Variants in FLYWCH1 observed in about 807,000 individuals in gnomAD.
The protein encoded by FLYWCH1 is FLYWCH-type zinc finger 1, also known as FLYWCH-type zinc finger-containing protein 1.
FLYWCH1 carries 75 observed loss-of-function variants against 66.4 expected under a neutral mutation model. The observed-to-expected ratio is 1.13, with a 90% CI of 0.94 to 1.37. FLYWCH1 has a LOEUF of 1.37. FLYWCH1 is among the 40% of genes most tolerant of loss of function. The pLI, the probability that FLYWCH1 is intolerant of heterozygous loss-of-function variation, is 0.00. For synonymous variants in FLYWCH1, 595 were observed against 429.9 expected (o/e 1.38, Z -4.75); for missense variants, 1,334 against 1,001.8 (o/e 1.33, Z -4.48).
intron 9 of FLYWCH1, among the ~76,000 whole-genome samples, chr16:2,945,590 C>G (rs192661132): frequency 1.4e-3 from 199 of 146,852 alleles, no homozygotes; most frequent in African/African-American, 4.9e-3. Context: ...TGGCAGTGCA[C>G]CGAGATCGTG....
intron 9 of FLYWCH1, among the ~76,000 whole-genome samples, chr16:2,945,360 C>T (rs1596404569): frequency 2.0e-5 from 3 of 151,840 alleles, no homozygotes; most frequent in African/African-American, 7.3e-5. Flanking sequence ...GTGGCGTGTG[C>T]CTGTAATCCC....
At chr16:2,940,302 C>T in intron 9 of FLYWCH1, 2 of 517,802 alleles carry the variant, frequency 3.9e-6, no homozygotes, top group East Asian at 3.3e-5. Flanking sequence ...CCCTGCTCCT[C>T]ACCATAGGGA....
At chr16:2,937,897 C>T (rs141295049) in intron 7 of FLYWCH1, among the ~76,000 whole-genome samples, 1 of 152,240 alleles carries the variant, frequency 6.6e-6, no homozygotes, top group African/African-American at 2.4e-5. Flanking sequence ...CTGGGGGATG[C>T]ACCTGCAAGC....
At position 2,941,494 on chromosome 16, in the gene FLYWCH1, C is replaced by T. The variant is rs138667154; in HGVS notation, c.2111+1402C>T. On this transcript the variant is annotated intron_variant, in intron 9 of 9. Coordinates refer to ENST00000253928, the MANE Select transcript of FLYWCH1 (RefSeq NM_001308068.2). ...TCATGGTAGCATGTGCTGGTAGTAT[C>T]GCTTGAACCTGGGAGATTGAGGCTG... Among the ~76,000 whole-genome samples the T allele has an allele frequency of 2.5e-3, 374 of 152,136 alleles. 1 individual carries two copies. Among genetic ancestry groups the T allele is most frequent in the African/African-American group, 7.8e-3 (322 of 41,508 alleles).
intron 2 of FLYWCH1, among the ~76,000 whole-genome samples, chr16:2,921,259 C>T (rs1467400095): frequency 6.6e-6 from 1 of 151,562 alleles, no homozygotes; most frequent in Admixed American, 6.6e-5. Flanking sequence ...CAAGTATCAC[C>T]ACCATCAATT....
At chr16:2,940,275 C>T (rs544330932) in intron 9 of FLYWCH1, 183 bp downstream of exon 9, 78 of 530,330 alleles carry the variant, frequency 1.5e-4, no homozygotes, top group Non-Finnish European at 2.5e-4. Flanking sequence ...ATCTGAAGGC[C>T]CAAGTGAGGC....
At chr16:2,934,285 G>C (rs974148603) in intron 6 of FLYWCH1, among the ~76,000 whole-genome samples, 3 of 152,172 alleles carry the variant, frequency 2.0e-5, no homozygotes, top group Non-Finnish European at 2.9e-5. Flanking sequence ...AGTAGTAATA[G>C]AGGGTGTTGA....
At chr16:2,947,855 A>T (rs1841462244) in intron 9 of FLYWCH1, among the ~76,000 whole-genome samples, 1 of 151,772 alleles carries the variant, frequency 6.6e-6, no homozygotes, top group Non-Finnish European at 1.5e-5. Context: ...CAACACAGGG[A>T]GAACCCCATC....
intron 2 of FLYWCH1, among the ~76,000 whole-genome samples, chr16:2,917,770 T>C (rs1192657802): frequency 3.9e-5 from 6 of 151,976 alleles, no homozygotes; most frequent in African/African-American, 7.3e-5. Flanking sequence ...TAGATTCTTG[T>C]TCCTCCCTCT....
At chr16:2,940,167 G>A (rs2071202983) in intron 9 of FLYWCH1, 75 bp downstream of exon 9, 2 of 753,492 alleles carry the variant, frequency 2.7e-6, no homozygotes, top group Non-Finnish European at 4.7e-6. Flanking sequence ...ACAAATATTT[G>A]CTGTCTCAGC....
intron 9 of FLYWCH1, 72 bp from the exon 10 acceptor site, chr16:2,948,616 C>A: frequency 6.6e-7 from 1 of 1,506,734 alleles, no homozygotes; most frequent in Non-Finnish European, 9.2e-7. Flanking sequence ...TCCAGGAATC[C>A]TGAACTTTCT....
At chr16:2,926,487 G>T (rs1439773899) in intron 2 of FLYWCH1, among the ~76,000 whole-genome samples, 1 of 152,214 alleles carries the variant, frequency 6.6e-6, no homozygotes, top group Non-Finnish European at 1.5e-5. Context: ...GTATGTAGCA[G>T]AGTCTGTAAT....
chr16:2,944,015 G>A (rs1213067619), intron 9 of FLYWCH1, among the ~76,000 whole-genome samples: 1 of 152,156 alleles, frequency 6.6e-6, no homozygotes, highest in African/African-American at 2.4e-5. Context: ...AGTGTCACCT[G>A]AGCCTGGGAG....
chr16:2,930,519 G>C lies in FLYWCH1; in HGVS notation c.435G>C (p.Trp145Cys), dbSNP rs1047390739. ...QEKAVGDKVYWKCRQHAELGC... is the reference protein window; with the variant it reads ...QEKAVGDKVYCKCRQHAELGC... ...AGGCAGTGGGGGACAAGGTGTACTG[G>C]AAGTGCCGCCAACATGCTGAGCTGG... The change falls in exon 4 of 10, where the codon TGG becomes TGC. Residue 145 changes from tryptophan to cysteine, a missense_variant. Trp to Cys is a radical substitution (Grantham distance 215). Transcript: ENST00000253928. 1 of 1,544,104 alleles carries C rather than the reference G, an allele frequency of 6.5e-7. No individual in the cohort carries two copies. Among genetic ancestry groups the C allele is most frequent in the Non-Finnish European group, 8.7e-7 (1 of 1,150,184 alleles).
rs1429125291 is a variant in FLYWCH1 at position 2,946,542 on chromosome 16, C to T, written c.2112-2146C>T. ...TTCACCATGTTGGCCAGGCTGGTCT[C>T]GTACTCTTGACCTCAGGTGATCCAC... On this transcript the variant is annotated intron_variant, in intron 9 of 9. Coordinates refer to ENST00000253928, the MANE Select transcript of FLYWCH1 (RefSeq NM_001308068.2). Among the ~76,000 whole-genome samples the T allele has an allele frequency of 2.6e-5, 4 of 151,996 alleles. No homozygotes were observed. In the East Asian group the frequency reaches 5.8e-4, roughly 22 times the overall value.
chr16:2,930,618 G>C lies in FLYWCH1; in HGVS notation c.534G>C (p.Glu178Asp). 1 of 1,550,970 alleles carries C rather than the reference G, an allele frequency of 6.4e-7. No homozygotes were observed. The change falls in exon 4 of 10, where the codon GAG becomes GAC. Residue 178 changes from glutamate to aspartate, a missense_variant. Transcript: ENST00000253928. Reference protein sequence around the residue: ...VMRGHCHAPDEQGLEARRQRE... With the variant: ...VMRGHCHAPDDQGLEARRQRE... The stretch of plus-strand genomic sequence containing the variant: ...GGGGCCACTGCCACGCGCCCGATGA[G>C]CAAGGCCTGGAGGCCCGGCGCCAGA...
At chr16:2,943,427 G>T (rs2071353483) in intron 9 of FLYWCH1, 1 of 151,594 alleles carries the variant, frequency 6.6e-6, no homozygotes, top group Non-Finnish European at 1.5e-5. Context: ...ATGATGGTAG[G>T]CTAAGTCCTG....
At chr16:2,944,570 C>A (rs2071401581) in intron 9 of FLYWCH1, among the ~76,000 whole-genome samples, 1 of 152,122 alleles carries the variant, frequency 6.6e-6, no homozygotes, top group Non-Finnish European at 1.5e-5. Context: ...CACCTATAAT[C>A]CCAGCACTTT....
chr16:2,920,840 C>CTTTT (rs71158122), intron 2 of FLYWCH1, among the ~76,000 whole-genome samples: 13 of 70,418 alleles, frequency 1.8e-4, no homozygotes, highest in African/African-American at 2.0e-4. Context: ...AACGCCTGGC[C>CTTTT]TTTTTTTTTT....
Sources: gnomAD v4.1 joint callset for allele counts (sites outside exome capture counted in the v4.1 genomes callset) on GRCh38, gnomAD v4.1.1 for gene constraint, MANE v1.5 for transcripts, NCBI Gene and HGNC (gene_info 2026-07-23, HGNC 2026-07-21) for gene names.